METTL25: variants seen among roughly 807,000 people sequenced by gnomAD.
The protein encoded by METTL25 is probable methyltransferase-like protein 25.
METTL25 carries 64 observed loss-of-function variants against 71.6 expected under a neutral mutation model. The observed-to-expected ratio is 0.89, with a 90% CI of 0.73 to 1.10. METTL25 has a LOEUF of 1.10. METTL25 is among the 50% of genes least tolerant of loss of function. The probability of loss-of-function intolerance (pLI) is 0.00; values close to 1 mark genes in which losing one functional copy is unlikely to be tolerated. For missense variants in METTL25, 807 were observed against 707.0 expected, an observed-to-expected ratio of 1.14 and a Z score of -1.60; for synonymous variants, 287 against 250.3, an observed-to-expected ratio of 1.15 and a Z score of -1.38.
At chr12:82,436,310 T>G (rs1889910813) in intron 7 of METTL25, among the ~76,000 whole-genome samples, 1 of 151,562 alleles carries the variant, frequency 6.6e-6, no homozygotes, top group Non-Finnish European at 1.5e-5. Flanking sequence ...CTGATACACA[T>G]GCTTTAAGGG....
chr12:82,461,562 T>G (rs1174607420), intron 9 of METTL25, among the ~76,000 whole-genome samples: 1 of 152,162 alleles, frequency 6.6e-6, no homozygotes, highest in African/African-American at 2.4e-5. Flanking sequence ...AGCACAAGAA[T>G]GCTTGTTTGG....
chr12:82,449,465 C>T (rs533512512), intron 8 of METTL25, among the ~76,000 whole-genome samples: 2 of 152,260 alleles, frequency 1.3e-5, no homozygotes, highest in African/African-American at 4.8e-5. Context: ...TATTTTTACA[C>T]TTTGTGTGTT....
At chr12:82,414,034 AGTTT>A (rs1212604446) in intron 5 of METTL25, among the ~76,000 whole-genome samples, 3 of 151,808 alleles carry the variant, frequency 2.0e-5, no homozygotes, top group Non-Finnish European at 4.4e-5. Context: ...ATAGTGTATT[AGTTT>A]GTTCAGTAAT....
intron 7 of METTL25, 36 bp from the exon 8 acceptor site, chr12:82,438,682 G>C (rs750880666): frequency 1.5e-6 from 2 of 1,334,510 alleles, no homozygotes; most frequent in Admixed American, 2.7e-5. Context: ...TGTTTTTTTT[G>C]TTTCTTGTGC....
chr12:82,400,618 CCTT>C (rs879256920), intron 4 of METTL25, among the ~76,000 whole-genome samples: 20 of 151,948 alleles, frequency 1.3e-4, no homozygotes, highest in Admixed American at 2.6e-4. Context: ...CATTTTGTCA[CCTT>C]CTAATTTTCT....
chr12:82,416,151 C>G (rs569211421), intron 5 of METTL25, among the ~76,000 whole-genome samples: 1 of 152,064 alleles, frequency 6.6e-6, no homozygotes, highest in East Asian at 1.9e-4. Context: ...ATATAATCAT[C>G]GTGCTGTGAT....
intron 5 of METTL25, among the ~76,000 whole-genome samples, chr12:82,417,957 ACCTGTT>A (rs1888134457): frequency 1.3e-5 from 2 of 152,108 alleles, no homozygotes; most frequent in African/African-American, 4.8e-5. Context: ...AAAGGCAGGA[ACCTGTT>A]GGCCCTTTCA....
chr12:82,436,608 G>A (rs1004231153), intron 7 of METTL25, among the ~76,000 whole-genome samples: 3 of 151,474 alleles, frequency 2.0e-5, no homozygotes, highest in African/African-American at 7.3e-5. Flanking sequence ...ACTTGAGAAT[G>A]ATGACTTATT....
chr12:82,473,336 C>T (rs1442890265), intron 9 of METTL25, among the ~76,000 whole-genome samples: 3 of 152,086 alleles, frequency 2.0e-5, no homozygotes, highest in African/African-American at 7.2e-5. Context: ...AGGGATGTTT[C>T]TCAAGGCCTG....
intron 9 of METTL25, among the ~76,000 whole-genome samples, chr12:82,465,084 A>T (rs1892141009): frequency 6.6e-6 from 1 of 151,706 alleles, no homozygotes; most frequent in Non-Finnish European, 1.5e-5. Flanking sequence ...TCCAATTTGG[A>T]TGTCCTTTAT....
intron 5 of METTL25, among the ~76,000 whole-genome samples, chr12:82,416,400 G>T (rs1182790837): frequency 6.6e-6 from 1 of 150,694 alleles, no homozygotes; most frequent in East Asian, 1.9e-4. Context: ...TAATCCTGAA[G>T]AGTAGGTCTG....
At chr12:82,426,976 C>T (rs2137129647) in intron 5 of METTL25, among the ~76,000 whole-genome samples, 1 of 152,014 alleles carries the variant, frequency 6.6e-6, no homozygotes, top group African/African-American at 2.4e-5. Context: ...TATTAGCTAC[C>T]ACCAGAGCCT....
At chr12:82,408,439 A>C (rs1229706071) in intron 5 of METTL25, among the ~76,000 whole-genome samples, 2 of 152,130 alleles carry the variant, frequency 1.3e-5, no homozygotes, top group Non-Finnish European at 2.9e-5. Flanking sequence ...GCAAGAGGGC[A>C]GGAAACTGGG....
intron 9 of METTL25, among the ~76,000 whole-genome samples, chr12:82,458,740 G>A (rs746321326): frequency 3.3e-5 from 5 of 152,152 alleles, no homozygotes; most frequent in Non-Finnish European, 7.3e-5. Flanking sequence ...TTTCTCAGAA[G>A]AAACTATAAT....
chr12:82,478,400 TAAAG>T (rs921027463), intron 11 of METTL25, among the ~76,000 whole-genome samples: 3 of 151,880 alleles, frequency 2.0e-5, no homozygotes, highest in South Asian at 2.1e-4. Context: ...GGATATATAA[TAAAG>T]AAAATTAAGA....
chr12:82,426,655 G>A (rs1319316958), intron 5 of METTL25, among the ~76,000 whole-genome samples: 3 of 151,934 alleles, frequency 2.0e-5, no homozygotes, highest in Non-Finnish European at 2.9e-5. Flanking sequence ...CACAAGTCAG[G>A]AAACATTTTT....
chr12:82,411,972 C>T (rs1009544987), intron 5 of METTL25, among the ~76,000 whole-genome samples: 1 of 151,944 alleles, frequency 6.6e-6, no homozygotes, highest in Non-Finnish European at 1.5e-5. Flanking sequence ...GGTTTATTTC[C>T]TCTTCCAAAC....
At position 82,478,939 on chromosome 12, in the gene METTL25, T is replaced by A. The variant is rs753029897; in HGVS notation, c.1727T>A (p.Ile576Asn). 6 of 1,610,858 alleles carry A rather than the reference T, an allele frequency of 3.7e-6. No individual in the cohort carries two copies. The highest frequency in any genetic ancestry group is 1.7e-5 in the Admixed American group (1 of 59,962). The change falls in exon 12 of 12, where the codon ATT (isoleucine) becomes AAT (asparagine). Residue 576 changes from isoleucine (I) to asparagine (N), a missense_variant. Ile to Asn is a moderately radical substitution (Grantham distance 149, BLOSUM62 -3). Coordinates refer to ENST00000248306, the MANE Select transcript of METTL25 (RefSeq NM_032230.3). ...RLCYLKEQED[I>N]AWSALVKLFD... is the part of the protein sequence containing the mutation. ...TCACTTATTAATTTACAGGAAGATA[T>A]TGCATGGTCTGCTCTTGTGAAGTTG...
rs772824794 is a variant in METTL25 at position 82,361,688 on chromosome 12, AGCGGTGCTGGCCG to A, written c.259+2867_259+2879del. On this transcript the variant is annotated intron_variant, in intron 1 of 11. Coordinates refer to ENST00000248306, the MANE Select transcript of METTL25 (RefSeq NM_032230.3). ...GCTAAGCTCCTCACTGCCTGGGGCC[AGCGGTGCTGGCCG>A]GCTGCTCTGAGTGCTGGGCCTGCCA... Among the ~76,000 whole-genome samples the A allele has an allele frequency of 7.9e-5, 12 of 152,284 alleles. No homozygotes were observed. In the South Asian group the frequency reaches 2.5e-3, roughly 32 times the overall value.
Sources: allele counts gnomAD v4.1 joint callset (sites outside exome capture counted in the v4.1 genomes callset), GRCh38; gene constraint gnomAD v4.1.1; transcripts MANE v1.5; gene names NCBI Gene and HGNC (gene_info 2026-07-23, HGNC 2026-07-21).